The following MLXIPL variants were observed in gnomAD, a reference collection of about 807,000 sequenced individuals.
MLXIPL encodes carbohydrate-responsive element-binding protein.
A neutral mutation model predicts 81.5 loss-of-function variants in MLXIPL; 49 were observed. The observed-to-expected ratio is 0.60, with a 90% CI of 0.48 to 0.76. The LOEUF (loss-of-function observed/expected upper bound fraction) is 0.76, where lower values mean the gene tolerates loss of function less well. Among genes scored for constraint, MLXIPL ranks in the 30% least tolerant of loss-of-function variants. The pLI is 0.00. For synonymous variants in MLXIPL, 466 were observed against 485.5 expected (o/e 0.96, Z 0.53); for missense variants, 1,053 against 1,167.0 (o/e 0.90, Z 1.42).
chr7:73,596,406 G>A lies in MLXIPL; in HGVS notation c.1896C>T (p.Pro632=). Residue 632 remains proline, a synonymous_variant, in exon 12 of 17, where the codon CCC becomes CCT. Transcript: ENST00000313375. This position sits in a 1 kb window ranked among gnomAD's most constrained non-coding sequence, Gnocchi z 4.7. The stretch of plus-strand genomic sequence containing the variant: ...GGCCCCGGCTGAGGATGGGTTGCGG[G>A]GGAGAGACACGGACGCTCAGAGTCC... ...GPGTLSVRVS[P]PQPILSRGRP... The A allele has an allele frequency of 6.2e-7, 1 of 1,613,022 alleles. No individual in the cohort carries two copies. The highest frequency in any genetic ancestry group is 8.5e-7 in the Non-Finnish European group (1 of 1,179,952).
chr7:73,643,977 C>A, the MLXIPL span, among the ~76,000 whole-genome samples: 4 of 151,908 alleles, frequency 2.6e-5, no homozygotes, highest in Non-Finnish European at 5.9e-5. Context: ...ACTATGTTGC[C>A]CAGGCTGGTC....
the MLXIPL span, among the ~76,000 whole-genome samples, chr7:73,633,777 C>A: frequency 6.6e-6 from 1 of 152,036 alleles, no homozygotes; most frequent in Non-Finnish European, 1.5e-5. Context: ...TTTGATGGTG[C>A]CCTAAACAGC....
At chr7:73,639,614 A>T in the MLXIPL span, among the ~76,000 whole-genome samples, 4 of 146,862 alleles carry the variant, frequency 2.7e-5, no homozygotes, top group South Asian at 2.1e-4. Context: ...CCCTATCTTT[A>T]AAAAAAAAAA....
At chr7:73,598,938 G>T (rs185125753) in intron 8 of MLXIPL, among the ~76,000 whole-genome samples, 2 of 151,958 alleles carry the variant, frequency 1.3e-5, no homozygotes, top group East Asian at 3.9e-4. Flanking sequence ...GGGCAACATG[G>T]TGAAACCCTG....
chr7:73,614,759 C>T (rs1172409252), intron 2 of MLXIPL, among the ~76,000 whole-genome samples: 1 of 152,042 alleles, frequency 6.6e-6, no homozygotes, highest in Non-Finnish European at 1.5e-5. Flanking sequence ...CCTGTTATCT[C>T]CACACCAACC....
the MLXIPL span, among the ~76,000 whole-genome samples, chr7:73,639,791 G>T: frequency 1.3e-5 from 2 of 152,230 alleles, no homozygotes; most frequent in Non-Finnish European, 2.9e-5. Context: ...GGGCGCAGTG[G>T]CTCACGCCTG....
At chr7:73,629,643 T>C in the MLXIPL span, among the ~76,000 whole-genome samples, 6 of 152,204 alleles carry the variant, frequency 3.9e-5, no homozygotes, top group Non-Finnish European at 8.8e-5. Flanking sequence ...GAGGATCGCT[T>C]GAGCTCAGGA....
At chr7:73,615,549 C>A (rs17145760) in intron 2 of MLXIPL, among the ~76,000 whole-genome samples, 6,613 of 152,176 alleles carry the variant, frequency 0.043, 534 homozygotes, top group African/African-American at 0.15. Context: ...CCTTTGGGAC[C>A]TATTCCCCGA....
intron 1 of MLXIPL, among the ~76,000 whole-genome samples, chr7:73,619,425 C>T (rs1309963525): frequency 6.7e-6 from 1 of 149,516 alleles, no homozygotes; most frequent in Non-Finnish European, 1.5e-5. Context: ...TGTGCCACTG[C>T]ACTCCAGCCT....
At chr7:73,613,853 C>T (rs782410057) in intron 2 of MLXIPL, among the ~76,000 whole-genome samples, 4 of 152,092 alleles carry the variant, frequency 2.6e-5, no homozygotes, top group Non-Finnish European at 5.9e-5. Flanking sequence ...ATTTCTTCTG[C>T]AGGCTGGGTG....
chr7:73,633,021 T>C, the MLXIPL span, among the ~76,000 whole-genome samples: 1 of 151,758 alleles, frequency 6.6e-6, no homozygotes, highest in Admixed American at 6.6e-5. Context: ...CCTCAGGTGA[T>C]CTGCCTGCTT....
At chr7:73,627,396 G>A (rs528852331), upstream of MLXIPL, among the ~76,000 whole-genome samples, 10 of 152,034 alleles carry the variant, frequency 6.6e-5, no homozygotes, top group Non-Finnish European at 1.3e-4. Flanking sequence ...TTACAGGCGT[G>A]TAACACCATG....
intron 1 of MLXIPL, among the ~76,000 whole-genome samples, chr7:73,619,543 C>T (rs995704771): frequency 6.6e-6 from 1 of 150,614 alleles, no homozygotes; most frequent in Non-Finnish European, 1.5e-5. Context: ...GTGGGAAGAT[C>T]GCTTGAGCCC....
intron 6 of MLXIPL, 38 bp from the exon 7 acceptor site, chr7:73,605,806 G>A (rs539728595): frequency 1.2e-6 from 2 of 1,602,948 alleles, no homozygotes; most frequent in African/African-American, 2.7e-5. Context: ...GCAGCAGGCA[G>A]GGAGGAGCAG....
At chr7:73,614,876 T>C (rs1040611236) in intron 2 of MLXIPL, among the ~76,000 whole-genome samples, 16 of 147,674 alleles carry the variant, frequency 1.1e-4, no homozygotes, top group Non-Finnish European at 2.2e-4. Context: ...AGCGGCGCGA[T>C]CTCAGCTCAC....
intron 7 of MLXIPL, among the ~76,000 whole-genome samples, chr7:73,602,163 C>CCTTCCTTCCTTCCTTCCTTCCTTT (rs1794915407): frequency 6.7e-6 from 1 of 148,220 alleles, no homozygotes; most frequent in Non-Finnish European, 1.5e-5. Flanking sequence ...TTCCTTCCTT[C>CCTTCCTTCCTTCCTTCCTTCCTTT]CTTTCTTTCC....
intron 1 of MLXIPL, 100 bp downstream of exon 1, chr7:73,624,100 C>T (rs1473589272): frequency 1.4e-6 from 2 of 1,417,278 alleles, no homozygotes; most frequent in Non-Finnish European, 1.9e-6. Context: ...GGACCGGGCT[C>T]GGGTGGGGTG....
chr7:73,626,137 G>A (rs964727956), upstream of MLXIPL, among the ~76,000 whole-genome samples: 2 of 151,910 alleles, frequency 1.3e-5, no homozygotes, highest in Non-Finnish European at 2.9e-5. Flanking sequence ...CTGAGTAGCC[G>A]GGATTACAAG....
At chr7:73,624,553 C>CA (rs1554603250), upstream of MLXIPL, 1 of 1,463,104 alleles carries the variant, frequency 6.8e-7, no homozygotes, top group East Asian at 2.7e-5. Flanking sequence ...CAGCTCTTGG[C>CA]CAGCCGGGCC....
Sources: gnomAD v4.1 joint callset for allele counts (sites outside exome capture counted in the v4.1 genomes callset) on GRCh38, gnomAD v4.1.1 for gene constraint, Gnocchi (gnomAD v3.1) non-coding constraint, MANE v1.5 for transcripts, NCBI Gene and HGNC (gene_info 2026-07-23, HGNC 2026-07-21) for gene names.